Variants in TNKS observed in about 807,000 individuals in gnomAD.
TNKS encodes the protein poly [ADP-ribose] polymerase tankyrase-1.
A neutral mutation model predicts 135.8 loss-of-function variants in TNKS; 72 were observed. The observed-to-expected ratio is 0.53, with a 90% CI of 0.44 to 0.64. TNKS has a LOEUF of 0.64. Ranked by LOEUF, TNKS falls within the 30% of genes least tolerant of loss-of-function variation. TNKS has a pLI of 0.00. For synonymous variants in TNKS, 849 were observed against 649.3 expected (o/e 1.31, Z -4.68); for missense variants, 1,769 against 1,674.0 (o/e 1.06, Z -0.99).
At chr8:9,591,927 CT>C (rs1215054786) in intron 2 of TNKS, among the ~76,000 whole-genome samples, 3 of 152,144 alleles carry the variant, frequency 2.0e-5, no homozygotes, top group African/African-American at 7.2e-5. Context: ...AGTTTCCGGT[CT>C]GAGGGCTGCT....
intron 2 of TNKS, among the ~76,000 whole-genome samples, chr8:9,583,190 T>C (rs779110980): frequency 1.3e-4 from 20 of 148,722 alleles, no homozygotes; most frequent in Admixed American, 2.7e-4. Flanking sequence ...AAAAAGTCCA[T>C]TTAGAAATCT....
chr8:9,638,242 T>C (rs1037618187), intron 3 of TNKS, among the ~76,000 whole-genome samples: 2 of 152,228 alleles, frequency 1.3e-5, no homozygotes, highest in Non-Finnish European at 2.9e-5. Flanking sequence ...CCTAAAGCGT[T>C]GGGATTACAG....
chr8:9,566,521 T>A (rs1797547142), intron 1 of TNKS: 1 of 152,028 alleles, frequency 6.6e-6, no homozygotes, highest in African/African-American at 2.4e-5. Flanking sequence ...ACTTTTTGAG[T>A]TAACACTTCT....
intron 2 of TNKS, among the ~76,000 whole-genome samples, chr8:9,593,793 G>A (rs561277959): frequency 6.4e-4 from 97 of 152,250 alleles, no homozygotes; most frequent in Non-Finnish European, 8.2e-4. Context: ...GGAATGGCAC[G>A]GGATTGGGGA....
At chr8:9,696,972 A>G (rs1375270507) in intron 5 of TNKS, among the ~76,000 whole-genome samples, 1 of 152,216 alleles carries the variant, frequency 6.6e-6, no homozygotes, top group African/African-American at 2.4e-5. Flanking sequence ...ATATGGAACC[A>G]AAGAACAGCC....
At chr8:9,689,396 A>G (rs1803157548) in intron 5 of TNKS, among the ~76,000 whole-genome samples, 1 of 152,224 alleles carries the variant, frequency 6.6e-6, no homozygotes, top group South Asian at 2.1e-4. Context: ...CACTGTAAAT[A>G]CTATGCATAA....
rs938154081 is a variant in TNKS at position 9,781,731 on chromosome 8, A to T, written c.*4995A>T. The T allele has an allele frequency of 6.6e-6, 1 of 152,628 alleles. No individual in the cohort carries two copies. The highest frequency in any genetic ancestry group is 1.5e-5 in the Non-Finnish European group (1 of 68,034). 9.5% of individuals were successfully genotyped at this position (152,628 alleles called of 1,614,324 possible). ...TATGTTGCCTGGCAACAGCACTCGG[A>T]GTAGTAATTGTGTTTTCTCATTGTG... On this transcript the variant is annotated 3_prime_UTR_variant, in exon 27 of 27. Coordinates refer to ENST00000310430, the MANE Select transcript of TNKS (RefSeq NM_003747.3).
intron 5 of TNKS, among the ~76,000 whole-genome samples, chr8:9,691,326 C>T (rs1447537216): frequency 6.6e-6 from 1 of 152,100 alleles, no homozygotes; most frequent in African/African-American, 2.4e-5. Flanking sequence ...GAAGGAGTTC[C>T]ACATTTCTGG....
chr8:9,746,880 A>ATTTTTTTTT (rs1806262180), intron 17 of TNKS, among the ~76,000 whole-genome samples: 1 of 60,312 alleles, frequency 1.7e-5, no homozygotes, highest in African/African-American at 8.4e-5. Context: ...ACCTACTTAA[A>ATTTTTTTTT]CTTTTTTTTT....
intron 25 of TNKS, among the ~76,000 whole-genome samples, chr8:9,767,045 A>T (rs1184381581): frequency 6.6e-6 from 1 of 152,184 alleles, no homozygotes; most frequent in Non-Finnish European, 1.5e-5. Flanking sequence ...AAGGCTAAGG[A>T]TGATTTCTGT....
chr8:9,726,362 C>T (rs11991483), intron 12 of TNKS, among the ~76,000 whole-genome samples: 16,898 of 152,118 alleles, frequency 0.11, 1,314 homozygotes, highest in Admixed American at 0.24. Flanking sequence ...TGCACTGCAG[C>T]CTTGGTGACA....
At chr8:9,570,677 C>G (rs1008059737) in intron 1 of TNKS, among the ~76,000 whole-genome samples, 1 of 152,188 alleles carries the variant, frequency 6.6e-6, no homozygotes, top group Non-Finnish European at 1.5e-5. Context: ...CTCAGATGTC[C>G]CTTGTAGATA....
Position 9,766,298 on chromosome 8 carries a change from G to T in TNKS, c.3613G>T (p.Gly1205Ter). 6.2e-7 allele frequency: 1 copy of T among 1,613,820 alleles called. No homozygotes were observed. Among genetic ancestry groups the T allele is most frequent in the Non-Finnish European group, 8.5e-7 (1 of 1,179,898 alleles). Residue 1205 changes from glycine (G) to a stop codon, truncating the protein, a stop_gained, in exon 25 of 27, where the codon GGA becomes TGA. Transcript: ENST00000310430. LOFTEE classifies it high-confidence loss of function. Reference sequence around the variant, plus strand: ...GTTTGATGAGCGACATGCATACATAGGAGGAATGTTTGGGGCCGGGATTTA... The same window carrying T: ...GTTTGATGAGCGACATGCATACATATGAGGAATGTTTGGGGCCGGGATTTA... ...KGFDERHAYI[G>*]GMFGAGIYFA...
chr8:9,721,528 T>A (rs910397621), intron 12 of TNKS, among the ~76,000 whole-genome samples: 1 of 151,850 alleles, frequency 6.6e-6, no homozygotes, highest in Non-Finnish European at 1.5e-5. Flanking sequence ...TTATATCTGC[T>A]ATGGAATGAA....
rs777053388 is a variant in TNKS at position 9,751,797 on chromosome 8, C to G, written c.3021C>G (p.Ala1007=). The change falls in exon 19 of 27, where the codon GCC becomes GCG. Residue 1007 remains alanine (A), a synonymous_variant. Transcript: ENST00000310430. ...TAGCAGAGTTGGCCGTAGGAGGAGC[C>G]TCCAATGCAGGGGATGGCGCCGCGG... ...GPLAELAVGG[A]SNAGDGAAGT... 3 of 1,614,182 alleles carry G rather than the reference C, an allele frequency of 1.9e-6. No homozygotes were observed. Among genetic ancestry groups the G allele is most frequent in the Non-Finnish European group, 2.5e-6 (3 of 1,180,030 alleles).
intron 1 of TNKS, among the ~76,000 whole-genome samples, chr8:9,567,020 A>C (rs1797571535): frequency 6.6e-6 from 1 of 152,244 alleles, no homozygotes; most frequent in South Asian, 2.1e-4. Context: ...GTGCTACTCA[A>C]ATGGAAAGTT....
At chr8:9,692,090 A>G (rs1440151331) in intron 5 of TNKS, among the ~76,000 whole-genome samples, 1 of 152,002 alleles carries the variant, frequency 6.6e-6, no homozygotes, top group African/African-American at 2.4e-5. Flanking sequence ...GAGTGGGTAC[A>G]TTTACAGGTT....
At chr8:9,589,311 A>G (rs559091303) in intron 2 of TNKS, among the ~76,000 whole-genome samples, 1 of 152,326 alleles carries the variant, frequency 6.6e-6, no homozygotes, top group Non-Finnish European at 1.5e-5. Flanking sequence ...TAGCTAATGA[A>G]AGGTATTGTT....
intron 1 of TNKS, among the ~76,000 whole-genome samples, chr8:9,564,375 A>T (rs35890521): frequency 0.11 from 15,982 of 144,008 alleles, 1,182 homozygotes; most frequent in Admixed American, 0.23. Flanking sequence ...TAAATATGTT[A>T]AAAAAAAAAA....
Sources: allele counts gnomAD v4.1 joint callset (sites outside exome capture counted in the v4.1 genomes callset), GRCh38; gene constraint gnomAD v4.1.1; transcripts MANE v1.5; gene names NCBI Gene and HGNC (gene_info 2026-07-23, HGNC 2026-07-21).